The following ENG variants were observed in gnomAD, a reference collection of about 807,000 sequenced individuals.
The protein encoded by ENG is endoglin.
In ENG, 17 loss-of-function variants were observed where a neutral mutation model predicts 71.0. The ratio of observed to expected loss-of-function variants is 0.24; its 90% CI spans 0.16 to 0.36. The LOEUF (loss-of-function observed/expected upper bound fraction) is 0.36, where lower values mean the gene tolerates loss of function less well. ENG is among the 10% of genes least tolerant of loss of function. ENG has a pLI of 1.00. For synonymous variants in ENG, 360 were observed against 366.9 expected (o/e 0.98, Z 0.21); for missense variants, 749 against 868.3 (o/e 0.86, Z 1.73).
chr9:127,845,098 A>G (rs1781714338), intron 1 of ENG, among the ~76,000 whole-genome samples: 1 of 152,266 alleles, frequency 6.6e-6, no homozygotes, highest in Non-Finnish European at 1.5e-5. Context: ...GAAGGAGGAC[A>G]GAAGGGGAGA....
At chr9:127,831,684 CTT>C (rs1337832342) in intron 2 of ENG, among the ~76,000 whole-genome samples, 2 of 133,812 alleles carry the variant, frequency 1.5e-5, no homozygotes, top group African/African-American at 2.7e-5. Flanking sequence ...CCTGCCTGGC[CTT>C]TTTTTTTTTT....
intron 1 of ENG, among the ~76,000 whole-genome samples, chr9:127,844,301 A>G (rs1319055031): frequency 6.7e-6 from 1 of 149,450 alleles, no homozygotes; most frequent in Non-Finnish European, 1.5e-5. Context: ...AATTTTTTGT[A>G]TTTTTAGTAA....
At chr9:127,841,424 C>T (rs957250432) in intron 2 of ENG, among the ~76,000 whole-genome samples, 1 of 151,932 alleles carries the variant, frequency 6.6e-6, no homozygotes, top group Non-Finnish European at 1.5e-5. Flanking sequence ...GCACAGGGAC[C>T]TGAACATTAA....
Position 127,815,824 on chromosome 9 carries a change from G to A in ENG, c.1853-18C>T, listed in dbSNP as rs908692674. 19 of 1,547,270 alleles carry A rather than the reference G, an allele frequency of 1.2e-5. No homozygotes were observed. Among genetic ancestry groups the A allele is most frequent in the Middle Eastern group, 2.0e-4 (1 of 4,998 alleles). On this transcript the variant is annotated intron_variant, in intron 14 of 14. Coordinates refer to ENST00000373203, the MANE Select transcript of ENG (RefSeq NM_001114753.3). Reference sequence around the variant, plus strand: ...GGGGGAACCTGGGAGCGGGAGCGGGGGCAGGGGCGGAGGTCAGGGTCCTGG... The same window carrying A: ...GGGGGAACCTGGGAGCGGGAGCGGGAGCAGGGGCGGAGGTCAGGGTCCTGG...
chr9:127,828,674 C>T (rs927556949), intron 3 of ENG, among the ~76,000 whole-genome samples: 1 of 152,110 alleles, frequency 6.6e-6, no homozygotes, highest in Non-Finnish European at 1.5e-5. Flanking sequence ...ATCCTCTTGG[C>T]CCTGGTGGTT....
Position 127,824,848 on chromosome 9 carries a change from C to G in ENG, c.943G>C (p.Val315Leu). Residue 315 changes from valine (V) to leucine (L), a missense_variant, in exon 7 of 15, where the codon GTG (valine) becomes CTG (leucine). By Grantham distance (32) the Val-to-Leu change is conservative. Transcript: ENST00000373203. ...MLNASIVASF[V>L]ELPLASIVSL... ...ACAATGCTGGCCAGCGGTAGCTCCA[C>G]GAAGGATGCCACAATGCTGGCATTG... The G allele has an allele frequency of 6.2e-7, 1 of 1,603,630 alleles. No individual in the cohort carries two copies. Among genetic ancestry groups the G allele is most frequent in the Non-Finnish European group, 8.5e-7 (1 of 1,174,958 alleles).
At chr9:127,823,134 C>A (rs1345150860) in intron 8 of ENG, among the ~76,000 whole-genome samples, 1 of 151,346 alleles carries the variant, frequency 6.6e-6, no homozygotes, top group Non-Finnish European at 1.5e-5. Context: ...GCCACTGTGC[C>A]TGGCCAGCAT....
intron 13 of ENG, 73 bp from the exon 14 acceptor site, chr9:127,816,126 T>C (rs1218618941): frequency 6.5e-7 from 1 of 1,543,788 alleles, no homozygotes; most frequent in Non-Finnish European, 8.8e-7. Context: ...TGCTGGCCCA[T>C]GTGGGCTTTG....
At chr9:127,830,082 C>G (rs1454477695) in intron 2 of ENG, among the ~76,000 whole-genome samples, 2 of 152,130 alleles carry the variant, frequency 1.3e-5, no homozygotes, top group African/African-American at 4.8e-5. Flanking sequence ...TGGCTCACGT[C>G]TGTAATCCCA....
Position 127,828,774 on chromosome 9 carries a change from C to T in ENG, c.360+913G>A, listed in dbSNP as rs190648375. On this transcript the variant is annotated intron_variant, in intron 3 of 14. Transcript: ENST00000373203. ...GCTGTCCCTGTCACCAGTCCGGAAG[C>T]TTCTCCCCTGTCCCCCACGCCCAAC... Among the ~76,000 whole-genome samples, 323 of 152,236 alleles carry T rather than the reference C, an allele frequency of 2.1e-3. 2 individuals are homozygous for T. The highest frequency in any genetic ancestry group is 7.4e-3 in the African/African-American group (308 of 41,544).
At position 127,829,776 on chromosome 9, in the gene ENG, A is replaced by T. The variant is rs554072090; in HGVS notation, c.271T>A (p.Trp91Arg). 1 of 1,614,156 alleles carries T rather than the reference A, an allele frequency of 6.2e-7. No individual in the cohort carries two copies. The highest frequency in any genetic ancestry group is 1.3e-5 in the African/African-American group (1 of 75,054). Reference sequence around the variant, plus strand: ...AGGACCAGAAGCACCTCTCGGGGCCAGGTGCCATTTTGCTTGGATGCCTGG... The same window carrying T: ...AGGACCAGAAGCACCTCTCGGGGCCTGGTGCCATTTTGCTTGGATGCCTGG... Reference protein sequence around the residue: ...TLQASKQNGTWPREVLLVLSV... With the variant: ...TLQASKQNGTRPREVLLVLSV... The change falls in exon 3 of 15, where the codon TGG becomes AGG. Residue 91 changes from tryptophan (W) to arginine (R), a missense_variant. Trp to Arg is a moderately radical substitution (Grantham distance 101). Transcript: ENST00000373203.
intron 8 of ENG, among the ~76,000 whole-genome samples, chr9:127,820,656 G>A (rs946964226): frequency 5.3e-5 from 8 of 150,708 alleles, no homozygotes; most frequent in Non-Finnish European, 1.0e-4. Flanking sequence ...ATGAAACCCC[G>A]TCTCTACTAA....
chr9:127,850,517 G>A (rs574871270), intron 1 of ENG, among the ~76,000 whole-genome samples: 5 of 152,318 alleles, frequency 3.3e-5, no homozygotes, highest in South Asian at 2.1e-4. Flanking sequence ...CCCGTGTCTC[G>A]GGGAGCCCAC....
Position 127,819,663 on chromosome 9 carries a change from G to T in ENG, c.1273-3C>A, listed in dbSNP as rs1277207381. The T allele has an allele frequency of 5.0e-6, 8 of 1,608,962 alleles. No individual in the cohort carries two copies. The highest frequency in any genetic ancestry group is 4.2e-6 in the Non-Finnish European group (5 of 1,177,676). On this transcript the variant is annotated splice_region_variant and splice_polypyrimidine_tract_variant and intron_variant, in intron 9 of 14. Transcript: ENST00000373203. ...CTCGACAGGATATTGACCACCGCCT[G>T]CGGGGATAAAGCCAGGGAGCTGGTC...
chr9:127,825,619 G>A, intron 5 of ENG, 76 bp downstream of exon 5: 2 of 1,317,072 alleles, frequency 1.5e-6, no homozygotes, highest in South Asian at 2.9e-5. Flanking sequence ...TAAGGGACCG[G>A]AGAGGGGGCG....
chr9:127,829,527 A>G (rs1316584406), intron 3 of ENG, among the ~76,000 whole-genome samples, 160 bp downstream of exon 3: 3 of 152,058 alleles, frequency 2.0e-5, no homozygotes, highest in Admixed American at 2.0e-4. Flanking sequence ...TCTGGTAGAG[A>G]CCATTGGCTT....
chr9:127,830,571 CA>C (rs1830740294), intron 2 of ENG, among the ~76,000 whole-genome samples: 2 of 151,376 alleles, frequency 1.3e-5, no homozygotes. Context: ...CTCTTGAACC[CA>C]GGAGGTAGAG....
intron 1 of ENG, among the ~76,000 whole-genome samples, chr9:127,854,073 G>A (rs1004650426): frequency 1.3e-5 from 2 of 152,252 alleles, no homozygotes; most frequent in Non-Finnish European, 1.5e-5. Flanking sequence ...TAAAGTGAAA[G>A]AGTCAGCCCA....
intron 13 of ENG, chr9:127,816,849 C>T: frequency 4.0e-6 from 2 of 501,236 alleles, no homozygotes; most frequent in Non-Finnish European, 7.3e-6. Context: ...TCCATCCTCC[C>T]AGCAAGGTCA....
Sources: gnomAD v4.1 joint callset for allele counts (sites outside exome capture counted in the v4.1 genomes callset) on GRCh38, gnomAD v4.1.1 for gene constraint, MANE v1.5 for transcripts, NCBI Gene and HGNC (gene_info 2026-07-23, HGNC 2026-07-21) for gene names.